SUPV3L1: variants seen among roughly 807,000 people sequenced by gnomAD.
SUPV3L1 encodes the protein ATP-dependent RNA helicase SUPV3L1, mitochondrial.
A neutral mutation model predicts 70.0 loss-of-function variants in SUPV3L1; 35 were observed. The observed-to-expected ratio is 0.50, with a 90% CI of 0.38 to 0.66. The LOEUF (loss-of-function observed/expected upper bound fraction) is 0.66, where lower values mean the gene tolerates loss of function less well. Ranked by LOEUF, SUPV3L1 falls within the 30% of genes least tolerant of loss-of-function variation. The probability of loss-of-function intolerance (pLI) is 0.00; values close to 1 mark genes in which losing one functional copy is unlikely to be tolerated. For synonymous variants in SUPV3L1, 364 were observed against 341.9 expected (o/e 1.06, Z -0.71); for missense variants, 777 against 961.5 (o/e 0.81, Z 2.54).
chr10:69,196,216 G>T (rs557575428), intron 7 of SUPV3L1, among the ~76,000 whole-genome samples: 4 of 152,246 alleles, frequency 2.6e-5, no homozygotes, highest in African/African-American at 9.6e-5. Flanking sequence ...ACTTGGCTGG[G>T]TGCGGTGGCT....
At chr10:69,186,700 T>C (rs1397903343) in intron 3 of SUPV3L1, 150 bp downstream of exon 3, 2 of 659,578 alleles carry the variant, frequency 3.0e-6, no homozygotes, top group East Asian at 5.5e-5. Flanking sequence ...ACAGGATGAC[T>C]TCTAGGTTGT....
chr10:69,201,283 T>C (rs1444539492), intron 11 of SUPV3L1, among the ~76,000 whole-genome samples: 1 of 152,176 alleles, frequency 6.6e-6, no homozygotes, highest in Non-Finnish European at 1.5e-5. Flanking sequence ...TTCTGTCTTT[T>C]TCATTCACTT....
Position 69,201,248 on chromosome 10 carries a change from T to C in SUPV3L1, c.1518+749T>C, listed in dbSNP as rs1490661294. On this transcript the variant is annotated intron_variant, in intron 11 of 14. Coordinates refer to ENST00000359655, the MANE Select transcript of SUPV3L1 (RefSeq NM_003171.5). ...TCTTGGACTCTTCTTCCCTCCCTTA[T>C]GACTAATTTCTCTTGCCTCTTTTCT... Among the ~76,000 whole-genome samples the C allele has an allele frequency of 3.9e-5, 6 of 152,176 alleles. No homozygotes were observed. The East Asian group carries it at 9.6e-4, about 24-fold the overall frequency.
chr10:69,185,743 G>A lies in SUPV3L1; in HGVS notation c.272-244G>A, dbSNP rs572074637. 3.9e-5 allele frequency among the ~76,000 whole-genome samples: 6 copies of A among 151,950 alleles called. No homozygotes were observed. In the South Asian group the frequency reaches 6.2e-4, roughly 16 times the overall value. On this transcript the variant is annotated intron_variant, in intron 1 of 14. Transcript: ENST00000359655. ...TCTCTATCTCCTGACCTCGTGATCC[G>A]CCCACCTCAGCCTCCCAAAGTGCTG...
rs201773412 is a variant in SUPV3L1, at chr10:69,207,841, C to T, written c.1825C>T (p.Arg609Cys). The T allele has an allele frequency of 2.7e-4, 431 of 1,614,004 alleles. No homozygotes were observed. Among genetic ancestry groups the T allele is most frequent in the Non-Finnish European group, 3.5e-4 (413 of 1,180,028 alleles). ...TGAGCCCCTGACCTTTGCATGGTTACGCCGATACATCAAATGGCCTTTACT... is the reference window on the plus strand; with the variant it reads ...TGAGCCCCTGACCTTTGCATGGTTATGCCGATACATCAAATGGCCTTTACT... ...RNEPLTFAWL[R>C]RYIKWPLLPP... is the part of the protein sequence containing the mutation. The change falls in exon 14 of 15, where the codon CGC becomes TGC. Residue 609 changes from arginine to cysteine, a missense_variant. Transcript: ENST00000359655.
intron 14 of SUPV3L1, 150 bp downstream of exon 14, chr10:69,208,091 A>G: frequency 9.6e-7 from 1 of 1,045,468 alleles, no homozygotes; most frequent in Non-Finnish European, 1.4e-6. Flanking sequence ...CAACTGATGG[A>G]ATGGTTTCCC....
At chr10:69,186,699 C>T in intron 3 of SUPV3L1, 149 bp downstream of exon 3, 2 of 663,246 alleles carry the variant, frequency 3.0e-6, no homozygotes, top group Admixed American at 2.9e-5. Context: ...CACAGGATGA[C>T]TTCTAGGTTG....
intron 13 of SUPV3L1, among the ~76,000 whole-genome samples, chr10:69,203,818 C>T (rs1388640268): frequency 6.6e-6 from 1 of 151,976 alleles, no homozygotes; most frequent in Non-Finnish European, 1.5e-5. Flanking sequence ...CTCAACCTCC[C>T]TGGCTCAAGT....
At chr10:69,184,962 A>G (rs1165836743) in intron 1 of SUPV3L1, among the ~76,000 whole-genome samples, 1 of 152,242 alleles carries the variant, frequency 6.6e-6, no homozygotes, top group Non-Finnish European at 1.5e-5. Context: ...GTATTTTAAC[A>G]TATACAACCA....
intron 4 of SUPV3L1, among the ~76,000 whole-genome samples, chr10:69,188,174 A>G (rs2132273493): frequency 6.6e-6 from 1 of 152,208 alleles, no homozygotes; most frequent in South Asian, 2.1e-4. Flanking sequence ...GCCGATTCTT[A>G]CCTTGTACAT....
chr10:69,202,468 G>T lies in SUPV3L1; in HGVS notation c.1548G>T (p.Gln516His), dbSNP rs1842709036. 2.5e-6 allele frequency: 4 copies of T among 1,613,346 alleles called. No individual in the cohort carries two copies. The highest frequency in any genetic ancestry group is 3.4e-6 in the Non-Finnish European group (4 of 1,179,536). Residue 516 changes from glutamine to histidine, a missense_variant, in exon 12 of 15, where the codon CAG (glutamine) becomes CAT (histidine). Physicochemically the swap from Gln to His is conservative, Grantham distance 24. Around this residue, in one of 2 missense-constraint regions of SUPV3L1, gnomAD observed 619 missense variants for 823.3 expected, o/e 0.75. Coordinates refer to ENST00000359655, the MANE Select transcript of SUPV3L1 (RefSeq NM_003171.5). ...CTGGTCTTCATCCAACTGCTGAGCA[G>T]ATTGAAATGTTTGCCTACCATCTCC... is the stretch of plus-strand genomic sequence containing the variant. ...RAAGLHPTAEQIEMFAYHLPD... is the reference protein window; with the variant it reads ...RAAGLHPTAEHIEMFAYHLPD...
chr10:69,208,691 A>T lies in SUPV3L1; in HGVS notation c.2017A>T (p.Ile673Phe). The T allele has an allele frequency of 6.2e-7, 1 of 1,614,212 alleles. No homozygotes were observed. Among genetic ancestry groups the T allele is most frequent in the Non-Finnish European group, 8.5e-7 (1 of 1,180,048 alleles). ...DGIIQDGVHN[I>F]TKLIKMSETH... ...TATTATCCAAGATGGTGTGCACAAT[A>T]TCACTAAATTGATTAAAATGTCTGA... is the stretch of plus-strand genomic sequence containing the variant. Residue 673 changes from isoleucine to phenylalanine, a missense_variant, in exon 15 of 15, where the codon ATC (isoleucine) becomes TTC (phenylalanine). Transcript: ENST00000359655.
chr10:69,184,358 G>T (rs1337635781), intron 1 of SUPV3L1, among the ~76,000 whole-genome samples: 1 of 151,932 alleles, frequency 6.6e-6, no homozygotes, highest in Non-Finnish European at 1.5e-5. Context: ...GAGAAACCCT[G>T]TCTCTACTAA....
intron 11 of SUPV3L1, among the ~76,000 whole-genome samples, chr10:69,201,891 A>G (rs1178323391): frequency 7.0e-6 from 1 of 143,840 alleles, no homozygotes; most frequent in African/African-American, 2.6e-5. Flanking sequence ...GCCAGGCTGG[A>G]GTGCAGTGGC....
At chr10:69,199,314 T>C (rs1185832850) in intron 10 of SUPV3L1, 117 bp downstream of exon 10, 1 of 755,886 alleles carries the variant, frequency 1.3e-6, no homozygotes, top group Non-Finnish European at 2.1e-6. Flanking sequence ...AGAATAAATA[T>C]TATAGGCTAG....
chr10:69,198,652 C>A, intron 9 of SUPV3L1, 100 bp downstream of exon 9: 2 of 1,123,744 alleles, frequency 1.8e-6, no homozygotes, highest in Non-Finnish European at 2.6e-6. Flanking sequence ...TTGAATTAAG[C>A]TGCTTGATGT....
intron 10 of SUPV3L1, among the ~76,000 whole-genome samples, chr10:69,199,847 G>GTATT (rs1489675893): frequency 6.6e-6 from 1 of 151,092 alleles, no homozygotes; most frequent in African/African-American, 2.5e-5. Flanking sequence ...ATTTATTTAT[G>GTATT]TATTTATTTA....
intron 1 of SUPV3L1, among the ~76,000 whole-genome samples, chr10:69,183,815 T>G (rs549529306): frequency 6.6e-6 from 1 of 152,212 alleles, no homozygotes; most frequent in East Asian, 1.9e-4. Context: ...TAGAACATTT[T>G]TATCACCCTA....
rs185284875 is a variant in SUPV3L1 at position 69,207,667 on chromosome 10, G to T, written c.1777-126G>T. On this transcript the variant is annotated intron_variant, in intron 13 of 14. Transcript: ENST00000359655. ...ATGTAGAAGAGTATAAAGGAGAAAA[G>T]AAACCACCTGTCTATTGAAATACAA... The T allele has an allele frequency of 5.8e-5, 69 of 1,187,916 alleles. 1 individual carries two copies. The East Asian group carries it at 1.7e-3, about 30-fold the overall frequency. 73.6% of individuals were successfully genotyped at this position (1,187,916 alleles called of 1,614,324 possible). A position where few individuals can be genotyped will look rare whatever the true frequency, so the allele number is the denominator to read the frequency against.
Sources: allele counts gnomAD v4.1 joint callset (sites outside exome capture counted in the v4.1 genomes callset), GRCh38; gene constraint gnomAD v4.1.1; regional missense constraint gnomAD v4.1.1; transcripts MANE v1.5; gene names NCBI Gene and HGNC (gene_info 2026-07-23, HGNC 2026-07-21).